Variants in TYW1B observed in about 807,000 individuals in gnomAD.
The protein encoded by TYW1B is tRNA-yW synthesizing protein 1 homolog B.
Under a neutral mutation model 86.9 loss-of-function variants are expected in TYW1B, and 73 were observed. The observed-to-expected ratio is 0.84, with a 90% confidence interval of 0.70 to 1.02. The LOEUF is 1.02. TYW1B is among the 50% of genes least tolerant of loss of function. TYW1B has a pLI of 0.00. For missense variants in TYW1B, 637 were observed against 827.4 expected (o/e 0.77, Z 2.82); for synonymous variants, 248 against 292.8 (o/e 0.85, Z 1.56).
chr7:72,632,425 AATATATATATACGTATATATATAAAATAT>A (rs1563038882), intron 11 of TYW1B, among the ~76,000 whole-genome samples: 3 of 92,492 alleles, frequency 3.2e-5, no homozygotes, highest in African/African-American at 1.9e-4. Context: ...ATATATATAA[AATATATATATACGTATATATATAAAATAT>A]ATATATACAT....
At chr7:72,664,613 G>A (rs1389739021) in intron 11 of TYW1B, among the ~76,000 whole-genome samples, 1 of 152,142 alleles carries the variant, frequency 6.6e-6, no homozygotes, top group Admixed American at 6.6e-5. Context: ...AGTGGAGAAT[G>A]GGAGGAAGGA....
intron 10 of TYW1B, among the ~76,000 whole-genome samples, chr7:72,709,739 G>GCACC (rs1814705673): frequency 1.3e-5 from 2 of 152,006 alleles, no homozygotes; most frequent in Non-Finnish European, 2.9e-5. Context: ...GATGATTCCT[G>GCACC]ATAGAGTAAA....
intron 11 of TYW1B, among the ~76,000 whole-genome samples, chr7:72,653,328 C>T (rs1350196400): frequency 4.6e-5 from 7 of 152,112 alleles, no homozygotes; most frequent in Admixed American, 1.3e-4. Flanking sequence ...GAAAAGAGGG[C>T]GGGCGCAGTG....
chr7:72,652,377 G>GGAA (rs1367261347), intron 11 of TYW1B, among the ~76,000 whole-genome samples: 8 of 31,286 alleles, frequency 2.6e-4, no homozygotes, highest in Admixed American at 6.0e-4. Context: ...GACTCTGTCT[G>GGAA]AAAAAAAAAA....
chr7:72,652,406 A>ATT (rs1312855705), intron 11 of TYW1B, among the ~76,000 whole-genome samples: 18 of 149,130 alleles, frequency 1.2e-4, no homozygotes, highest in African/African-American at 4.2e-4. Flanking sequence ...AAAAAAAAAA[A>ATT]TTTTTGTGAC....
chr7:72,769,109 G>A, intron 7 of TYW1B: 1 of 397,438 alleles, frequency 2.5e-6, no homozygotes, highest in South Asian at 3.9e-5. Flanking sequence ...CAGCAGTTTG[G>A]CATGGTAAGC....
At chr7:72,642,424 C>T (rs1554441574) in intron 11 of TYW1B, among the ~76,000 whole-genome samples, 1 of 152,098 alleles carries the variant, frequency 6.6e-6, no homozygotes, top group African/African-American at 2.4e-5. Flanking sequence ...ACTATATGAC[C>T]CAGTAATTTT....
At chr7:72,632,343 ATAT>A (rs1223564000) in intron 11 of TYW1B, among the ~76,000 whole-genome samples, 46 of 121,160 alleles carry the variant, frequency 3.8e-4, no homozygotes, top group African/African-American at 1.3e-3. Flanking sequence ...ACACGTATAT[ATAT>A]TATATATATT....
chr7:72,657,231 C>T (rs2129569363), intron 11 of TYW1B, among the ~76,000 whole-genome samples: 2 of 152,052 alleles, frequency 1.3e-5, no homozygotes, highest in South Asian at 4.1e-4. Flanking sequence ...AGAGCTTCAA[C>T]ACGAGATTAG....
intron 7 of TYW1B, among the ~76,000 whole-genome samples, chr7:72,749,916 T>G (rs1554464723): frequency 6.7e-6 from 1 of 148,640 alleles, no homozygotes; most frequent in Non-Finnish European, 1.5e-5. Context: ...TTTTTTGTTT[T>G]TTTTTTTTTT....
chr7:72,738,576 A>G (rs750094106), intron 8 of TYW1B, among the ~76,000 whole-genome samples: 21 of 152,098 alleles, frequency 1.4e-4, no homozygotes, highest in Non-Finnish European at 2.6e-4. Flanking sequence ...CCCACCAGAT[A>G]CCAGCAGCAC....
chr7:72,654,730 C>A (rs1382654191), intron 11 of TYW1B, among the ~76,000 whole-genome samples: 2 of 152,012 alleles, frequency 1.3e-5, no homozygotes, highest in Non-Finnish European at 2.9e-5. Context: ...AAAATACAAA[C>A]ATTAGCCAGG....
rs369847548 is a variant in TYW1B, at chr7:72,721,801, T to C, written c.1192+7021A>G. On this transcript the variant is annotated intron_variant, in intron 9 of 13. Transcript: ENST00000620995. ...TCTGACATTTTTCTTATTCTGAACA[T>C]CTTTCTGATCTTGGATAATCACAAT... 6.7e-3 allele frequency among the ~76,000 whole-genome samples: 1,021 copies of C among 152,300 alleles called. 13 individuals carry two copies. Among genetic ancestry groups the C allele is most frequent in the African/African-American group, 0.021 (879 of 41,554 alleles).
At chr7:72,603,973 C>G (rs1182163930) in intron 13 of TYW1B, among the ~76,000 whole-genome samples, 2 of 151,868 alleles carry the variant, frequency 1.3e-5, no homozygotes, top group African/African-American at 4.8e-5. Context: ...TAGGTAAAAC[C>G]TAAGGAAATC....
intron 6 of TYW1B, among the ~76,000 whole-genome samples, chr7:72,780,701 T>C (rs1473386847): frequency 1.3e-5 from 2 of 152,200 alleles, no homozygotes; most frequent in South Asian, 2.1e-4. Flanking sequence ...ATAAGGGCTA[T>C]GATTAAAGGT....
chr7:72,793,197 T>C (rs1554473867), intron 6 of TYW1B, among the ~76,000 whole-genome samples: 1 of 151,410 alleles, frequency 6.6e-6, no homozygotes, highest in African/African-American at 2.4e-5. Flanking sequence ...AATAGCCAGG[T>C]GTGGTGGCAC....
chr7:72,817,986 G>C (rs1407246522), intron 2 of TYW1B, among the ~76,000 whole-genome samples: 5 of 151,554 alleles, frequency 3.3e-5, no homozygotes, highest in African/African-American at 1.2e-4. Context: ...GTTGGCCTTA[G>C]GCTCTGTCTC....
Position 72,807,083 on chromosome 7 carries a change from GC to G in TYW1B, c.705del (p.Leu235PhefsTer28). 6.2e-7 allele frequency: 1 copy of G among 1,613,956 alleles called. No homozygotes were observed. Among genetic ancestry groups the G allele is most frequent in the Non-Finnish European group, 8.5e-7 (1 of 1,179,886 alleles). ...REEGSQEQDE[L>X]HHRDTKEEEP... ...CGGTATACCTTGGTGTCTCTGTGAT[GC>G]AATTCGTCCTGCTCTTGAGATCCTT... On this transcript the variant is annotated frameshift_variant, in exon 5 of 14. Coordinates refer to ENST00000620995, the MANE Select transcript of TYW1B (RefSeq NM_001145440.3). LOFTEE classifies it high-confidence loss of function.
chr7:72,734,268 A>AAAAAAACAAAAAAAC (rs56806378), intron 8 of TYW1B, among the ~76,000 whole-genome samples: 1 of 98,094 alleles, frequency 1.0e-5, no homozygotes, highest in Non-Finnish European at 2.1e-5. Flanking sequence ...AAAAAAAAAA[A>AAAAAAACAAAAAAAC]ACACAACAAA....
Sources: gnomAD v4.1 joint callset for allele counts (sites outside exome capture counted in the v4.1 genomes callset) on GRCh38, gnomAD v4.1.1 for gene constraint, MANE v1.5 for transcripts, NCBI Gene and HGNC (gene_info 2026-07-23, HGNC 2026-07-21) for gene names.